The following LRP1B variants were observed in gnomAD, a reference collection of about 807,000 sequenced individuals.
LRP1B encodes low-density lipoprotein receptor-related protein 1B.
Under a neutral mutation model 556.6 loss-of-function variants are expected in LRP1B, and 217 were observed. The ratio of observed to expected loss-of-function variants is 0.39; its 90% CI spans 0.35 to 0.44. LRP1B has a LOEUF of 0.44. LRP1B is among the 20% of genes least tolerant of loss of function. LRP1B has a pLI of 1.00. For synonymous variants in LRP1B, 2,047 were observed against 1,865.8 expected, an observed-to-expected ratio of 1.10 and a Z score of -2.50; for missense variants, 5,053 against 5,620.8, an observed-to-expected ratio of 0.90 and a Z score of 3.23.
At chr2:141,086,618 TTGTG>T (rs10608029) in intron 7 of LRP1B, among the ~76,000 whole-genome samples, 57,983 of 147,796 alleles carry the variant, frequency 0.39, 11,318 homozygotes, top group Middle Eastern at 0.51. Context: ...AGTATAATAT[TTGTG>T]TGTGTGTGTG....
chr2:141,828,686 A>T (rs1320566070), intron 1 of LRP1B, among the ~76,000 whole-genome samples: 1 of 152,134 alleles, frequency 6.6e-6, no homozygotes, highest in East Asian at 1.9e-4. Flanking sequence ...TGGATCAGGG[A>T]TAGGCACATG....
chr2:140,867,566 A>G (rs1201449793), intron 27 of LRP1B, 24 bp downstream of exon 27: 3 of 1,599,306 alleles, frequency 1.9e-6, no homozygotes, highest in Non-Finnish European at 2.6e-6. Flanking sequence ...TGGGTGGTTA[A>G]TCCATAAGTG....
intron 66 of LRP1B, among the ~76,000 whole-genome samples, chr2:140,422,620 G>A (rs757823194): frequency 8.5e-5 from 13 of 152,118 alleles, no homozygotes; most frequent in Non-Finnish European, 8.8e-5. Flanking sequence ...TTAAACAAAG[G>A]ATTTTTATAC....
At chr2:142,027,897 A>C (rs1411190431) in intron 1 of LRP1B, among the ~76,000 whole-genome samples, 19 of 151,912 alleles carry the variant, frequency 1.3e-4, no homozygotes, top group Non-Finnish European at 2.9e-5. Flanking sequence ...AGTCTCAGTT[A>C]GATTATCCAT....
intron 1 of LRP1B, among the ~76,000 whole-genome samples, chr2:142,109,920 T>A (rs927441105): frequency 1.3e-5 from 2 of 152,104 alleles, no homozygotes; most frequent in African/African-American, 4.8e-5. Flanking sequence ...AATAATAGCA[T>A]CAGCAAAGTA....
chr2:140,311,534 G>A (rs1684301616), intron 83 of LRP1B, among the ~76,000 whole-genome samples: 1 of 151,850 alleles, frequency 6.6e-6, no homozygotes, highest in East Asian at 1.9e-4. Flanking sequence ...GGTGGGAGGA[G>A]GGTAAAGGAT....
At chr2:141,500,005 T>C in intron 2 of LRP1B, among the ~76,000 whole-genome samples, 1 of 152,130 alleles carries the variant, frequency 6.6e-6, no homozygotes, top group East Asian at 1.9e-4. Context: ...ACAGCAGATA[T>C]GGGAGGAACT....
At chr2:141,096,618 CGG>C (rs1491479834) in intron 7 of LRP1B, among the ~76,000 whole-genome samples, 1,207 of 71,692 alleles carry the variant, frequency 0.017, 61 homozygotes, top group Admixed American at 0.038. Flanking sequence ...ATGACAAAGA[CGG>C]GGAGAGGGGG....
rs73965732 is a variant in LRP1B, at chr2:141,617,783, A to G, written c.206-137250T>C. On this transcript the variant is annotated intron_variant, in intron 2 of 90. Transcript: ENST00000389484. The stretch of plus-strand genomic sequence containing the variant: ...TGTCACTTTTTATTTTACTTTTCCA[A>G]TGTAAAATTTTAAACACTCTAAAAA... 8.6e-3 allele frequency among the ~76,000 whole-genome samples: 1,314 copies of G among 152,324 alleles called. 23 individuals are homozygous for G. Among genetic ancestry groups the G allele is most frequent in the African/African-American group, 0.03 (1,249 of 41,574 alleles).
chr2:141,993,808 T>C (rs1702410177), intron 1 of LRP1B, among the ~76,000 whole-genome samples: 1 of 152,140 alleles, frequency 6.6e-6, no homozygotes, highest in Non-Finnish European at 1.5e-5. Flanking sequence ...TGACTCAAGG[T>C]TAACTTTAAA....
At chr2:140,490,052 G>T (rs1433534929) in intron 57 of LRP1B, among the ~76,000 whole-genome samples, 1 of 152,038 alleles carries the variant, frequency 6.6e-6, no homozygotes, top group Admixed American at 6.6e-5. Flanking sequence ...ACAGCCAGGG[G>T]CATGGTCAAA....
chr2:141,386,859 A>G (rs980295047), intron 3 of LRP1B, among the ~76,000 whole-genome samples: 1 of 151,994 alleles, frequency 6.6e-6, no homozygotes, highest in East Asian at 1.9e-4. Context: ...AAACACTATA[A>G]ATTGAATATA....
chr2:141,559,574 A>G (rs1275517767), intron 2 of LRP1B, among the ~76,000 whole-genome samples: 2 of 151,682 alleles, frequency 1.3e-5, no homozygotes. Flanking sequence ...TAATTTGGGT[A>G]GTAGATATCT....
intron 1 of LRP1B, among the ~76,000 whole-genome samples, chr2:141,841,344 C>G (rs1023232576): frequency 6.6e-6 from 1 of 152,094 alleles, no homozygotes; most frequent in Non-Finnish European, 1.5e-5. Flanking sequence ...CTAAATGACA[C>G]ATAAGTAATT....
chr2:140,797,425 CTAGTT>C (rs1024252885), intron 32 of LRP1B, among the ~76,000 whole-genome samples: 1 of 151,974 alleles, frequency 6.6e-6, no homozygotes, highest in African/African-American at 2.4e-5. Flanking sequence ...ATTTATATGA[CTAGTT>C]TATAGTTTAT....
At chr2:140,656,803 GA>G (rs1409781422) in intron 41 of LRP1B, among the ~76,000 whole-genome samples, 4 of 152,096 alleles carry the variant, frequency 2.6e-5, no homozygotes, top group Admixed American at 6.6e-5. Context: ...AAAGGTTGGA[GA>G]AGCAGAGAGT....
chr2:140,265,611 T>G (rs1282730655), intron 86 of LRP1B, among the ~76,000 whole-genome samples: 1 of 152,088 alleles, frequency 6.6e-6, no homozygotes, highest in Non-Finnish European at 1.5e-5. Context: ...AGTTTTTCAC[T>G]CTATGAAGAA....
intron 1 of LRP1B, among the ~76,000 whole-genome samples, chr2:141,905,764 G>C (rs2381171): frequency 0.38 from 54,667 of 145,300 alleles, 10,982 homozygotes; most frequent in South Asian, 0.51. Context: ...GGTTTGAATA[G>C]ATGTGTGTGT....
At chr2:140,573,738 T>G (rs1418654996) in intron 43 of LRP1B, among the ~76,000 whole-genome samples, 3 of 151,998 alleles carry the variant, frequency 2.0e-5, no homozygotes, top group African/African-American at 4.8e-5. Flanking sequence ...CAAGTCAGTG[T>G]GTTTTCCTAA....
Sources: gnomAD v4.1 joint callset for allele counts (sites outside exome capture counted in the v4.1 genomes callset) on GRCh38, gnomAD v4.1.1 for gene constraint, MANE v1.5 for transcripts, NCBI Gene and HGNC (gene_info 2026-07-23, HGNC 2026-07-21) for gene names.